The following PCGF3 variants were observed in gnomAD, a reference collection of about 807,000 sequenced individuals.
The protein encoded by PCGF3 is polycomb group RING finger protein 3.
PCGF3 carries 7 observed loss-of-function variants against 33.1 expected under a neutral mutation model. The observed-to-expected ratio is 0.21, with a 90% confidence interval of 0.12 to 0.40. The LOEUF (loss-of-function observed/expected upper bound fraction) is 0.40, where lower values mean the gene tolerates loss of function less well. PCGF3 is among the 10% of genes least tolerant of loss of function. The pLI is 1.00. For missense variants in PCGF3, 211 were observed against 313.3 expected (o/e 0.67, Z 2.46); for synonymous variants, 153 against 121.3 (o/e 1.26, Z -1.72).
At chr4:762,306 A>T (rs1745104617) in intron 9 of PCGF3, 1 of 184,990 alleles carries the variant, frequency 5.4e-6, no homozygotes, top group Non-Finnish European at 1.0e-5. Context: ...CCTGGTGAGG[A>T]CAGAGCAGAG....
At chr4:748,831 G>C (rs1323804263) in intron 8 of PCGF3, among the ~76,000 whole-genome samples, 1 of 152,116 alleles carries the variant, frequency 6.6e-6, no homozygotes, top group Non-Finnish European at 1.5e-5. Context: ...TTCCTGGTTG[G>C]CCTTTGTTAG....
intron 8 of PCGF3, among the ~76,000 whole-genome samples, chr4:751,639 G>A (rs1436983106): frequency 6.6e-6 from 1 of 152,002 alleles, no homozygotes; most frequent in African/African-American, 2.4e-5. Flanking sequence ...AACATATGAG[G>A]GAAGCACCTG....
At chr4:742,085 C>T (rs560809804) in intron 6 of PCGF3, among the ~76,000 whole-genome samples, 11 of 152,020 alleles carry the variant, frequency 7.2e-5, no homozygotes, top group Non-Finnish European at 1.3e-4. Flanking sequence ...CACCTGCGGC[C>T]GGCCCCACCT....
chr4:739,257 G>C (rs11723111), intron 6 of PCGF3, among the ~76,000 whole-genome samples: 7 of 152,034 alleles, frequency 4.6e-5, no homozygotes, highest in Non-Finnish European at 1.0e-4. Context: ...CTGGAGTTCA[G>C]TGGTGCTATC....
rs781259179 is a variant in PCGF3, at chr4:721,492, G to C, written c.-189-9138G>C. The stretch of plus-strand genomic sequence containing the variant: ...AGGCGTCCAGGCTGCAGAGGGTGCC[G>C]GGGTGGAGAGCGGAAGAGAGAGGGA... On this transcript the variant is annotated intron_variant, in intron 1 of 10. Transcript: ENST00000362003. The surrounding 1 kb of genome is among the most constrained non-coding windows in gnomAD (Gnocchi z 4.1). Among the ~76,000 whole-genome samples, 1 of 152,114 alleles carries C rather than the reference G, an allele frequency of 6.6e-6. No homozygotes were observed. Among genetic ancestry groups the C allele is most frequent in the Non-Finnish European group, 1.5e-5 (1 of 68,022 alleles).
chr4:759,899 G>A (rs1177928051), intron 8 of PCGF3, among the ~76,000 whole-genome samples: 1 of 131,856 alleles, frequency 7.6e-6, no homozygotes, highest in Non-Finnish European at 1.6e-5. Flanking sequence ...CTTTCTCCCC[G>A]CGCGGCCCCT....
chr4:734,795 G>C, intron 4 of PCGF3, 136 bp from the exon 5 acceptor site: 1 of 1,387,988 alleles, frequency 7.2e-7, no homozygotes, highest in Non-Finnish European at 9.5e-7. Context: ...TTCAGAAGCT[G>C]AGAGCCACAA....
At chr4:718,182 C>G (rs1232907794) in intron 1 of PCGF3, among the ~76,000 whole-genome samples, 1 of 152,144 alleles carries the variant, frequency 6.6e-6, no homozygotes, top group Non-Finnish European at 1.5e-5. Context: ...GTGCAGCCGT[C>G]AGACGTCTGG....
rs187245584 is a variant in PCGF3 at position 751,180 on chromosome 4, G to A, written c.462+6492G>A. ...GCCCTTAAACTTGGATTCCGTGTCC[G>A]TTTGTGGGATTATCCGCGTCTATAA... On this transcript the variant is annotated intron_variant, in intron 8 of 10. Transcript: ENST00000362003. 3.9e-5 allele frequency among the ~76,000 whole-genome samples: 6 copies of A among 152,050 alleles called. No individual in the cohort carries two copies. The South Asian group carries it at 6.2e-4, about 16-fold the overall frequency.
Position 744,470 on chromosome 4 carries a change from TA to T in PCGF3, c.374-129del, listed in dbSNP as rs1744226953. ...TTGCGGACGGCTTTCCTTTGACGCT[TA>T]CTCCGCTCCGGGGGTCCAGAGTCTC... On this transcript the variant is annotated intron_variant, in intron 7 of 10. Transcript: ENST00000362003. 1.9e-5 allele frequency: 13 copies of T among 698,956 alleles called. No individual in the cohort carries two copies. In the South Asian group the frequency reaches 2.4e-4, roughly 13 times the overall value. The allele number at this position is 698,956 out of a possible 1,614,324, so 43.3% of individuals were successfully genotyped here. A position where few individuals can be genotyped will look rare whatever the true frequency, so the allele number is the denominator to read the frequency against.
intron 1 of PCGF3, among the ~76,000 whole-genome samples, chr4:728,377 C>T (rs1200444323): frequency 1.3e-5 from 2 of 150,946 alleles, no homozygotes; most frequent in African/African-American, 4.9e-5. Flanking sequence ...GCGTGCACAG[C>T]GTGTTAAGTG....
chr4:760,846 G>T (rs201056428), intron 8 of PCGF3, among the ~76,000 whole-genome samples: 1 of 152,208 alleles, frequency 6.6e-6, no homozygotes, highest in East Asian at 1.9e-4. Flanking sequence ...GTGACCTTCC[G>T]CCTGTGGCCC....
intron 8 of PCGF3, among the ~76,000 whole-genome samples, chr4:755,874 C>G (rs1258768687): frequency 6.7e-6 from 1 of 149,978 alleles, no homozygotes; most frequent in Non-Finnish European, 1.5e-5. Flanking sequence ...GAGTACATAC[C>G]CCTCCTCATT....
chr4:717,252 A>G (rs377473992), intron 1 of PCGF3, among the ~76,000 whole-genome samples: 458 of 23,860 alleles, frequency 0.019, 1 homozygote, highest in Middle Eastern at 0.062. Flanking sequence ...TAGACACTGA[A>G]TGTGAGAACT....
chr4:758,052 C>G (rs1744849861), intron 8 of PCGF3, among the ~76,000 whole-genome samples: 1 of 151,366 alleles, frequency 6.6e-6, no homozygotes, highest in African/African-American at 2.4e-5. Flanking sequence ...CCTGTAGTCC[C>G]AGCTACTCGG....
At chr4:730,471 C>A (rs1743506751) in intron 1 of PCGF3, among the ~76,000 whole-genome samples, 159 bp from the exon 2 acceptor site, 1 of 152,140 alleles carries the variant, frequency 6.6e-6, no homozygotes, top group Non-Finnish European at 1.5e-5. Context: ...GCCCGTGTCT[C>A]CCGGGTAGAG....
intron 7 of PCGF3, 72 bp downstream of exon 7, chr4:743,656 G>T (rs1381144063): frequency 1.2e-5 from 10 of 868,998 alleles, no homozygotes; most frequent in Non-Finnish European, 1.9e-5. Context: ...AAGAGCTGGC[G>T]CTGTCTGCCG....
At chr4:723,720 A>G in intron 1 of PCGF3, 1 of 153,320 alleles carries the variant, frequency 6.5e-6, no homozygotes, top group Non-Finnish European at 1.5e-5. Flanking sequence ...TGGAGCCGAG[A>G]GCTGAGCGGG....
chr4:732,939 C>A (rs1259466052), intron 3 of PCGF3, among the ~76,000 whole-genome samples: 4 of 152,224 alleles, frequency 2.6e-5, no homozygotes, highest in Non-Finnish European at 5.9e-5. Flanking sequence ...GTCACCTCCC[C>A]GAAGGCGCAG....
Sources: allele counts gnomAD v4.1 joint callset (sites outside exome capture counted in the v4.1 genomes callset), GRCh38; gene constraint gnomAD v4.1.1; non-coding constraint Gnocchi (gnomAD v3.1); transcripts MANE v1.5; gene names NCBI Gene and HGNC (gene_info 2026-07-23, HGNC 2026-07-21).